Variants in MIA2 observed in about 807,000 individuals in gnomAD.
MIA2 encodes MIA SH3 domain ER export factor 2.
Under a neutral mutation model 167.8 loss-of-function variants are expected in MIA2, and 127 were observed. That is an observed-to-expected ratio of 0.76 (90% CI 0.66 to 0.88). The LOEUF (loss-of-function observed/expected upper bound fraction) is 0.88, where lower values mean the gene tolerates loss of function less well. Ranked by LOEUF, MIA2 falls within the 40% of genes least tolerant of loss-of-function variation. The pLI is 0.00. For synonymous variants in MIA2, 552 were observed against 541.9 expected (o/e 1.02, Z -0.26); for missense variants, 1,690 against 1,624.7 (o/e 1.04, Z -0.69).
At chr14:39,386,386 G>A (rs1234752261) in intron 23 of MIA2, 12 of 1,549,870 alleles carry the variant, frequency 7.7e-6, no homozygotes, top group African/African-American at 1.4e-5. Context: ...TTGAGCAAAC[G>A]CTTACACTAC....
At chr14:39,316,395 TTG>T (rs2152952728) in intron 21 of MIA2, among the ~76,000 whole-genome samples, 1 of 152,344 alleles carries the variant, frequency 6.6e-6, no homozygotes, top group East Asian at 1.9e-4. Context: ...TTAGGCTGTC[TTG>T]GCTCATGTCC....
intron 18 of MIA2, among the ~76,000 whole-genome samples, chr14:39,312,887 TTGTGTG>T (rs35409851): frequency 6.7e-6 from 1 of 150,090 alleles, no homozygotes; most frequent in African/African-American, 2.4e-5. Flanking sequence ...GTAATTATAA[TTGTGTG>T]TGTGTGTGTG....
intron 7 of MIA2, among the ~76,000 whole-genome samples, chr14:39,277,762 A>ATATATGTGTG (rs1566685683): frequency 1.4e-4 from 5 of 35,346 alleles, no homozygotes; most frequent in East Asian, 9.6e-4. Context: ...ATATATATAT[A>ATATATGTGTG]TATATATATA....
intron 3 of MIA2, 61 bp from the exon 4 acceptor site, chr14:39,246,850 A>G (rs1306629169): frequency 4.3e-6 from 4 of 936,516 alleles, no homozygotes; most frequent in Non-Finnish European, 4.6e-6. Flanking sequence ...TAAATGACTC[A>G]GGGAGAAACA....
In MIA2 at chr14:39,245,081, C is replaced by CTTTTTTTTTTTTTT. The variant is rs10683715; in HGVS notation, c.337-1818_337-1817insTTTTTTTTTTTTTT. Among the ~76,000 whole-genome samples, 278 of 119,632 alleles carry CTTTTTTTTTTTTTT rather than the reference C, an allele frequency of 2.3e-3. 10 individuals carry two copies. Among genetic ancestry groups the CTTTTTTTTTTTTTT allele is most frequent in the Admixed American group, 2.8e-3 (32 of 11,308 alleles). The allele number at this position is 119,632 out of a possible 152,430, so 78.5% of individuals were successfully genotyped here. A position where few individuals can be genotyped will look rare whatever the true frequency, so the allele number is the denominator to read the frequency against. On this transcript the variant is annotated intron_variant, in intron 3 of 28. Coordinates refer to ENST00000640607, the MANE Select transcript of MIA2 (RefSeq NM_001329214.4). ...GCATGGGCCGCCGCACCTAGCTAAC[C>CTTTTTTTTTTTTTT]TTTTTTTTTTTTAAAGACAGGATCT...
chr14:39,364,795 A>G (rs2074780858), intron 23 of MIA2, among the ~76,000 whole-genome samples: 1 of 151,828 alleles, frequency 6.6e-6, no homozygotes, highest in South Asian at 2.1e-4. Flanking sequence ...CCTGGGCTAT[A>G]AAGTTTCTGC....
At chr14:39,345,787 AGAT>A (rs1406733638) in intron 25 of MIA2, 114 bp from the exon 26 acceptor site, 3 of 749,660 alleles carry the variant, frequency 4.0e-6, no homozygotes, top group Non-Finnish European at 6.3e-6. Flanking sequence ...TCAACCAAGA[AGAT>A]GATGAGTTTA....
chr14:39,385,582 G>T, intron 23 of MIA2: 1 of 814,596 alleles, frequency 1.2e-6, no homozygotes, highest in African/African-American at 1.7e-5. Context: ...GGGTAAGGAT[G>T]AAACAATTTC....
intron 23 of MIA2, among the ~76,000 whole-genome samples, chr14:39,356,961 T>C (rs939061215): frequency 6.6e-6 from 1 of 152,230 alleles, no homozygotes; most frequent in Admixed American, 6.5e-5. Context: ...TGAGGAGTGC[T>C]TTACTTCCAA....
At chr14:39,243,356 G>A (rs998194450) in intron 3 of MIA2, among the ~76,000 whole-genome samples, 1 of 152,068 alleles carries the variant, frequency 6.6e-6, no homozygotes, top group Admixed American at 6.6e-5. Context: ...GGATATGGGA[G>A]TATTTACTAG....
At chr14:39,387,072 G>T in exon 24 of MIA2, 3 of 663,574 alleles carry the variant, frequency 4.5e-6, no homozygotes, top group East Asian at 2.9e-5. Flanking sequence ...TCAAATTGAA[G>T]CCTTGGCCTA....
In MIA2 at chr14:39,320,957, G is replaced by A; in HGVS notation, c.3397G>A (p.Gly1133Ser). ...EHSPYGPSPL[G>S]WPSSETRAFL... The stretch of plus-strand genomic sequence containing the variant: ...TTCCCCATATGGTCCCTCACCATTG[G>A]GTTGGCCTTCATCTGAAACAAGAGC... The change falls in exon 24 of 29, where the codon GGT becomes AGT. Residue 1133 changes from glycine (G) to serine (S), a missense_variant. Gly to Ser is a moderately conservative substitution (Grantham distance 56, BLOSUM62 0). Coordinates refer to ENST00000640607, the MANE Select transcript of MIA2 (RefSeq NM_001329214.4). The A allele has an allele frequency of 6.2e-7, 1 of 1,613,668 alleles. No homozygotes were observed. Among genetic ancestry groups the A allele is most frequent in the Non-Finnish European group, 8.5e-7 (1 of 1,179,748 alleles).
At chr14:39,281,015 T>C (rs1336480332) in intron 9 of MIA2, among the ~76,000 whole-genome samples, 2 of 145,418 alleles carry the variant, frequency 1.4e-5, no homozygotes, top group Non-Finnish European at 3.0e-5. Flanking sequence ...CTCCACTTCC[T>C]GGACTCAGGT....
intron 6 of MIA2, among the ~76,000 whole-genome samples, chr14:39,268,261 G>T (rs1033518153): frequency 6.6e-5 from 10 of 152,028 alleles, no homozygotes; most frequent in African/African-American, 2.2e-4. Context: ...AATTATTGAG[G>T]CAGTTACGAT....
Position 39,320,996 on chromosome 14 carries a change from C to T in MIA2, c.3436C>T (p.Pro1146Ser). 1 of 1,613,820 alleles carries T rather than the reference C, an allele frequency of 6.2e-7. No homozygotes were observed. The highest frequency in any genetic ancestry group is 8.5e-7 in the Non-Finnish European group (1 of 1,179,770). The change falls in exon 24 of 29, where the codon CCA becomes TCA. Residue 1146 changes from proline (P) to serine (S), a missense_variant. Coordinates refer to ENST00000640607, the MANE Select transcript of MIA2 (RefSeq NM_001329214.4). ...TGAAACAAGAGCTTTTCTCTCTCCTCCAACTTTGTTGGAGGGTCCACTCAG... is the reference window on the plus strand; with the variant it reads ...TGAAACAAGAGCTTTTCTCTCTCCTTCAACTTTGTTGGAGGGTCCACTCAG... Reference protein sequence around the residue: ...SSETRAFLSPPTLLEGPLRLS... With the variant: ...SSETRAFLSPSTLLEGPLRLS...
intron 23 of MIA2, among the ~76,000 whole-genome samples, chr14:39,377,441 A>G (rs2075066173): frequency 6.6e-6 from 1 of 152,216 alleles, no homozygotes; most frequent in Admixed American, 6.5e-5. Context: ...ATCAGGAAAA[A>G]TGGAAAAAAA....
At chr14:39,310,820 A>G (rs896713012) in intron 18 of MIA2, among the ~76,000 whole-genome samples, 4 of 152,292 alleles carry the variant, frequency 2.6e-5, no homozygotes, top group East Asian at 1.9e-4. Context: ...GTTATTTGTT[A>G]TGGCCCTTTG....
intron 3 of MIA2, 66 bp downstream of exon 3, chr14:39,240,713 G>T: frequency 8.9e-7 from 1 of 1,118,654 alleles, no homozygotes; most frequent in Non-Finnish European, 1.3e-6. Context: ...GTTTTCCCAG[G>T]TATCAGTGCC....
chr14:39,247,646 A>G lies in MIA2; in HGVS notation c.1072A>G (p.Ile358Val), dbSNP rs566240379. Residue 358 changes from isoleucine to valine, a missense_variant, in exon 4 of 29, where the codon ATA becomes GTA. Ile to Val is a conservative substitution (Grantham distance 29). Transcript: ENST00000640607. ...AGAAGCCACAGTTCCATGTACAGAA[A>G]TATTAACAGAAAAAAAAGACACAAT... ...DKEATVPCTEILTEKKDTITN... is the reference protein window; with the variant it reads ...DKEATVPCTEVLTEKKDTITN... 2.9e-5 allele frequency: 47 copies of G among 1,610,330 alleles called. No homozygotes were observed. Among genetic ancestry groups the G allele is most frequent in the Non-Finnish European group, 3.6e-5 (42 of 1,179,188 alleles).
Sources: gnomAD v4.1 joint callset for allele counts (sites outside exome capture counted in the v4.1 genomes callset) on GRCh38, gnomAD v4.1.1 for gene constraint, MANE v1.5 for transcripts, NCBI Gene and HGNC (gene_info 2026-07-23, HGNC 2026-07-21) for gene names.